PRKN: variants seen among roughly 807,000 people sequenced by gnomAD.
The protein encoded by PRKN is E3 ubiquitin-protein ligase parkin.
PRKN carries 56 observed loss-of-function variants against 59.5 expected under a neutral mutation model. That is an observed-to-expected ratio of 0.94 (90% CI 0.76 to 1.18). PRKN has a LOEUF of 1.18. Among genes scored for constraint, PRKN ranks in the 50% most tolerant of loss-of-function variants. The pLI is 0.00. For synonymous variants in PRKN, 250 were observed against 222.1 expected (o/e 1.13, Z -1.12); for missense variants, 657 against 596.4 (o/e 1.10, Z -1.06).
intron 1 of PRKN, among the ~76,000 whole-genome samples, chr6:162,633,255 G>GA (rs1277903381): frequency 6.6e-6 from 1 of 151,634 alleles, no homozygotes; most frequent in Non-Finnish European, 1.5e-5. Context: ...CCGACGTGGT[G>GA]AAACCCCATC....
At chr6:161,978,031 G>GTATTT (rs530789978) in intron 5 of PRKN, among the ~76,000 whole-genome samples, 183 of 128,526 alleles carry the variant, frequency 1.4e-3, no homozygotes, top group African/African-American at 3.0e-3. Context: ...TTATTTTATT[G>GTATTT]TATTTTATTT....
intron 1 of PRKN, among the ~76,000 whole-genome samples, chr6:162,600,404 G>T (rs1781658436): frequency 6.6e-6 from 1 of 152,094 alleles, no homozygotes; most frequent in Non-Finnish European, 1.5e-5. Flanking sequence ...TTTCCAATTT[G>T]GGGCTATTAT....
intron 2 of PRKN, among the ~76,000 whole-genome samples, chr6:162,417,755 C>T (rs868373639): frequency 3.9e-5 from 6 of 152,186 alleles, no homozygotes; most frequent in Admixed American, 1.3e-4. Context: ...AGTTCATGAA[C>T]GTGTTTACGG....
At chr6:162,133,525 T>C (rs1486764806) in intron 4 of PRKN, among the ~76,000 whole-genome samples, 1 of 152,124 alleles carries the variant, frequency 6.6e-6, no homozygotes, top group Non-Finnish European at 1.5e-5. Context: ...TACTATCCAA[T>C]GGGTAGCTGA....
intron 1 of PRKN, among the ~76,000 whole-genome samples, chr6:162,513,548 A>T (rs181384494): frequency 1.9e-3 from 284 of 152,118 alleles, no homozygotes; most frequent in Admixed American, 3.3e-3. Flanking sequence ...GAAGAGAGAG[A>T]CAGAGAAAGA....
intron 10 of PRKN, among the ~76,000 whole-genome samples, chr6:161,367,136 G>A (rs1237819642): frequency 8.6e-5 from 13 of 151,570 alleles, no homozygotes; most frequent in Admixed American, 6.6e-4. Context: ...GACTACAGGC[G>A]CCCGCCACCA....
Position 161,709,420 on chromosome 6 carries a change from G to A in PRKN, c.871+76352C>T, listed in dbSNP as rs958361494. Among the ~76,000 whole-genome samples the A allele has an allele frequency of 3.3e-5, 5 of 152,108 alleles. 1 individual carries two copies. The highest frequency in any genetic ancestry group is 1.9e-4 in the East Asian group (1 of 5,184). The stretch of plus-strand genomic sequence containing the variant: ...TGAGAGCTCTTTTTTCAGAGAAAAA[G>A]TAGAAACATTTCTTGCTTTTCTCTC... On this transcript the variant is annotated intron_variant, in intron 7 of 11. Coordinates refer to ENST00000366898, the MANE Select transcript of PRKN (RefSeq NM_004562.3).
chr6:161,947,298 A>G (rs2128244983), intron 6 of PRKN, among the ~76,000 whole-genome samples: 1 of 152,324 alleles, frequency 6.6e-6, no homozygotes, highest in South Asian at 2.1e-4. Flanking sequence ...TTAATAGAAA[A>G]AAAGAAAAAA....
chr6:162,575,583 C>T (rs1270084661), intron 1 of PRKN, among the ~76,000 whole-genome samples: 1 of 152,182 alleles, frequency 6.6e-6, no homozygotes, highest in Non-Finnish European at 1.5e-5. Context: ...CTGATACATG[C>T]AGACTTGACC....
rs531378002 is a variant in PRKN, at chr6:161,593,729, C to T, written c.872-24313G>A. Among the ~76,000 whole-genome samples, 15 of 152,252 alleles carry T rather than the reference C, an allele frequency of 9.9e-5. No individual in the cohort carries two copies. Among genetic ancestry groups the T allele is most frequent in the Middle Eastern group, 3.4e-3 (1 of 294 alleles). On this transcript the variant is annotated intron_variant, in intron 7 of 11. Coordinates refer to ENST00000366898, the MANE Select transcript of PRKN (RefSeq NM_004562.3). This position sits in a 1 kb window ranked among gnomAD's most constrained non-coding sequence, Gnocchi z 4.8. The stretch of plus-strand genomic sequence containing the variant: ...AGAGAGGGCTCGAGGAGTTCTGCTT[C>T]GGATGCCACATTGGCAAAGCTTATA...
chr6:161,988,564 G>A (rs1465510210), intron 5 of PRKN, among the ~76,000 whole-genome samples: 1 of 151,636 alleles, frequency 6.6e-6, no homozygotes, highest in African/African-American at 2.4e-5. Context: ...ACACAATAAA[G>A]TGTTTCAATC....
At chr6:162,101,498 C>G (rs1779968288) in intron 4 of PRKN, among the ~76,000 whole-genome samples, 1 of 150,872 alleles carries the variant, frequency 6.6e-6, no homozygotes, top group Non-Finnish European at 1.5e-5. Flanking sequence ...GAAACCCTGT[C>G]TCTACTAAAA....
intron 4 of PRKN, among the ~76,000 whole-genome samples, chr6:162,191,695 G>A (rs899548003): frequency 7.9e-5 from 12 of 152,194 alleles, no homozygotes; most frequent in East Asian, 5.8e-4. Context: ...CACCGACCTC[G>A]GCCTCCCAAA....
At chr6:162,209,510 T>C (rs1785100064) in intron 3 of PRKN, among the ~76,000 whole-genome samples, 1 of 152,018 alleles carries the variant, frequency 6.6e-6, no homozygotes, top group Admixed American at 6.6e-5. Flanking sequence ...CTGGTGGGAG[T>C]GTAAATTAGT....
intron 5 of PRKN, among the ~76,000 whole-genome samples, chr6:162,004,202 G>A (rs1041740324): frequency 6.6e-6 from 1 of 152,140 alleles, no homozygotes; most frequent in Admixed American, 6.5e-5. Context: ...CTAGTGAATA[G>A]AAAGTGAGTG....
chr6:161,762,526 C>T (rs1789243925), intron 7 of PRKN, among the ~76,000 whole-genome samples: 1 of 152,170 alleles, frequency 6.6e-6, no homozygotes, highest in Non-Finnish European at 1.5e-5. Context: ...GGTGGAAATA[C>T]TCTATGCCTG....
At chr6:162,321,080 C>A (rs1246588976) in intron 2 of PRKN, among the ~76,000 whole-genome samples, 1 of 151,788 alleles carries the variant, frequency 6.6e-6, no homozygotes, top group Non-Finnish European at 1.5e-5. Flanking sequence ...GACCATGAAA[C>A]CACAACTTTG....
At position 162,347,906 on chromosome 6, in the gene PRKN, A is replaced by G. The variant is rs141033781; in HGVS notation, c.172-85141T>C. Among the ~76,000 whole-genome samples, 130 of 152,302 alleles carry G rather than the reference A, an allele frequency of 8.5e-4. 1 individual carries two copies. The South Asian group carries it at 0.014, about 16-fold the overall frequency. On this transcript the variant is annotated intron_variant, in intron 2 of 11. Coordinates refer to ENST00000366898, the MANE Select transcript of PRKN (RefSeq NM_004562.3). ...TAAGGTGAGTCTTAACATTACTCCAACTTACTGCCTTGAGAGCGTTTCCAG... is the reference window on the plus strand; with the variant it reads ...TAAGGTGAGTCTTAACATTACTCCAGCTTACTGCCTTGAGAGCGTTTCCAG...
chr6:162,498,797 TA>T (rs148759122), intron 1 of PRKN, among the ~76,000 whole-genome samples: 3,399 of 151,974 alleles, frequency 0.022, 123 homozygotes, highest in African/African-American at 0.079. Flanking sequence ...GAAATTGTAT[TA>T]TTCTGTAAGG....
Sources: gnomAD v4.1 joint callset for allele counts (sites outside exome capture counted in the v4.1 genomes callset) on GRCh38, gnomAD v4.1.1 for gene constraint, Gnocchi (gnomAD v3.1) non-coding constraint, MANE v1.5 for transcripts, NCBI Gene and HGNC (gene_info 2026-07-23, HGNC 2026-07-21) for gene names.